NSD3: variants seen among roughly 807,000 people sequenced by gnomAD.
NSD3 encodes the protein histone-lysine N-methyltransferase NSD3.
A neutral mutation model predicts 160.8 loss-of-function variants in NSD3; 24 were observed. The ratio of observed to expected loss-of-function variants is 0.15; its 90% confidence interval spans 0.11 to 0.21. The LOEUF is 0.21. Ranked by LOEUF, NSD3 falls within the 10% of genes least tolerant of loss-of-function variation. NSD3 has a pLI of 1.00. For synonymous variants in NSD3, 520 were observed against 600.0 expected, an observed-to-expected ratio of 0.87 and a Z score of 1.95; for missense variants, 1,157 against 1,735.9, an observed-to-expected ratio of 0.67 and a Z score of 5.93.
At chr8:38,304,924 C>A (rs1329494092) in intron 13 of NSD3, among the ~76,000 whole-genome samples, 167 bp from the exon 14 acceptor site, 1 of 152,106 alleles carries the variant, frequency 6.6e-6, no homozygotes, top group Admixed American at 6.5e-5. Flanking sequence ...TATATGGCCC[C>A]TAAATGTAAG....
intron 2 of NSD3, among the ~76,000 whole-genome samples, chr8:38,345,970 A>C (rs759569804): frequency 2.0e-5 from 3 of 152,008 alleles, no homozygotes; most frequent in Non-Finnish European, 2.9e-5. Flanking sequence ...TAGTTAACTG[A>C]AGGTTTAGGT....
At chr8:38,348,934 T>C (rs545550100) in intron 1 of NSD3, among the ~76,000 whole-genome samples, 24 of 152,222 alleles carry the variant, frequency 1.6e-4, no homozygotes, top group East Asian at 5.8e-4. Flanking sequence ...GCTAGGATTA[T>C]AGGCGTCAGC....
chr8:38,296,355 A>G (rs993758881), intron 15 of NSD3, among the ~76,000 whole-genome samples: 1 of 152,254 alleles, frequency 6.6e-6, no homozygotes, highest in Non-Finnish European at 1.5e-5. Flanking sequence ...GTAAGAAAGA[A>G]AGCAAGTCAT....
intron 20 of NSD3, 115 bp downstream of exon 20, chr8:38,281,349 AATC>A (rs1324833292): frequency 4.1e-6 from 2 of 489,734 alleles, no homozygotes. Flanking sequence ...AGCTACTGCA[AATC>A]ATTATGCTCT....
chr8:38,338,664 A>G, intron 2 of NSD3, 57 bp from the exon 3 acceptor site: 1 of 1,333,678 alleles, frequency 7.5e-7, no homozygotes, highest in Non-Finnish European at 1.1e-6. Flanking sequence ...ACAAACAAAC[A>G]AAAAACAGTG....
intron 3 of NSD3, among the ~76,000 whole-genome samples, chr8:38,338,304 A>C: frequency 6.9e-6 from 1 of 145,288 alleles, no homozygotes; most frequent in Non-Finnish European, 1.5e-5. Flanking sequence ...CGTCTCAAAA[A>C]GAAAAAAAAA....
At chr8:38,342,384 A>G (rs1810396471) in intron 2 of NSD3, among the ~76,000 whole-genome samples, 1 of 152,214 alleles carries the variant, frequency 6.6e-6, no homozygotes, top group African/African-American at 2.4e-5. Flanking sequence ...AACATCAGAG[A>G]AAAAGATGAC....
intron 19 of NSD3, among the ~76,000 whole-genome samples, chr8:38,286,879 C>T (rs912934669): frequency 2.0e-5 from 3 of 152,212 alleles, no homozygotes; most frequent in East Asian, 3.8e-4. Context: ...CGGCAAACAG[C>T]GCCTCCTCAG....
At chr8:38,342,357 C>T (rs1008406915) in intron 2 of NSD3, among the ~76,000 whole-genome samples, 1 of 152,132 alleles carries the variant, frequency 6.6e-6, no homozygotes, top group Non-Finnish European at 1.5e-5. Context: ...AATTCCACTG[C>T]TTTGTCAGAA....
intron 15 of NSD3, among the ~76,000 whole-genome samples, chr8:38,296,425 C>CA (rs34703236): frequency 0.22 from 32,830 of 151,660 alleles, 3,804 homozygotes; most frequent in East Asian, 0.31. Flanking sequence ...AATTAGCAAG[C>CA]AAAAAAATAG....
At chr8:38,356,003 A>G (rs1810814932) in intron 1 of NSD3, among the ~76,000 whole-genome samples, 1 of 152,124 alleles carries the variant, frequency 6.6e-6, no homozygotes, top group South Asian at 2.1e-4. Flanking sequence ...ACTTCCCACA[A>G]TCCCTAAATA....
At chr8:38,307,101 C>T (rs144064663) in intron 12 of NSD3, among the ~76,000 whole-genome samples, 2,400 of 135,044 alleles carry the variant, frequency 0.018, 32 homozygotes, top group Middle Eastern at 0.028. Flanking sequence ...GGTGACAGAG[C>T]GAGATACCGT....
At chr8:38,283,693 G>A (rs1333977746) in intron 19 of NSD3, among the ~76,000 whole-genome samples, 1 of 152,104 alleles carries the variant, frequency 6.6e-6, no homozygotes, top group East Asian at 1.9e-4. Flanking sequence ...GAGAAGCACC[G>A]GTCTGCTTCA....
At position 38,317,995 on chromosome 8, in the gene NSD3, G is replaced by A; in HGVS notation, c.1855+900C>T. ...CCTCAATCGCTGCGGAGACGGAGCT[G>A]TCACTGAATCTGACAGAGCCCTGCA... On this transcript the variant is annotated intron_variant, in intron 9 of 23. Coordinates refer to ENST00000317025, the MANE Select transcript of NSD3 (RefSeq NM_023034.2). The surrounding 1 kb of genome is among the most constrained non-coding windows in gnomAD (Gnocchi z 5.3). The A allele has an allele frequency of 6.2e-7, 1 of 1,614,192 alleles. No individual in the cohort carries two copies. Among genetic ancestry groups the A allele is most frequent in the South Asian group, 1.1e-5 (1 of 91,088 alleles).
rs1430360591 is a variant in NSD3 at position 38,275,179 on chromosome 8, T to C, written c.*462A>G. On this transcript the variant is annotated 3_prime_UTR_variant, in exon 24 of 24. Transcript: ENST00000317025. Reference sequence around the variant, plus strand: ...TTCCTAGAGGGCTTTCTCAGATTCCTACTTAAAACACACACACACTTGATT... The same window carrying C: ...TTCCTAGAGGGCTTTCTCAGATTCCCACTTAAAACACACACACACTTGATT... 2 of 241,412 alleles carry C rather than the reference T, an allele frequency of 8.3e-6. No individual in the cohort carries two copies. The highest frequency in any genetic ancestry group is 1.6e-5 in the Non-Finnish European group (2 of 123,530). 15.0% of individuals were successfully genotyped at this position (241,412 alleles called of 1,614,324 possible).
chr8:38,278,234 G>A (rs1438746362), intron 22 of NSD3, 72 bp downstream of exon 22: 51 of 1,411,986 alleles, frequency 3.6e-5, no homozygotes, highest in Middle Eastern at 2.0e-4. Flanking sequence ...CACCGCGCCC[G>A]GCCAAACAGA....
intron 14 of NSD3, chr8:38,299,820 C>G (rs970760634): frequency 4.1e-5 from 15 of 362,534 alleles, no homozygotes; most frequent in African/African-American, 6.3e-5. Flanking sequence ...CTAAATTCTG[C>G]AGAAGAAAAC....
rs1808459790 is a variant in NSD3 at position 38,271,125 on chromosome 8, T to C, written c.*4516A>G. On this transcript the variant is annotated 3_prime_UTR_variant, in exon 24 of 24. Transcript: ENST00000317025. ...AAAATGCTGGTATCTCATGCAGGAG[T>C]CTCTTCCTCAAATGTGTTCAATCAA... 6.6e-6 allele frequency: 1 copy of C among 151,782 alleles called. No homozygotes were observed. The highest frequency in any genetic ancestry group is 1.5e-5 in the Non-Finnish European group (1 of 67,938). The allele number at this position is 151,782 out of a possible 1,614,324, so 9.4% of individuals were successfully genotyped here. A position where few individuals can be genotyped will look rare whatever the true frequency, so the allele number is the denominator to read the frequency against.
rs113553599 is a variant in NSD3, at chr8:38,309,662, C to G, written c.2243-4217G>C. On this transcript the variant is annotated intron_variant, in intron 12 of 23. Coordinates refer to ENST00000317025, the MANE Select transcript of NSD3 (RefSeq NM_023034.2). ...GACCAAAAAAAAGAAGTCAGTCCAT[C>G]GGTCCAGAGTCAAGGACCATGGGGG... Among the ~76,000 whole-genome samples, 744 of 152,070 alleles carry G rather than the reference C, an allele frequency of 4.9e-3. 11 individuals are homozygous for G. Among genetic ancestry groups the G allele is most frequent in the African/African-American group, 0.017 (699 of 41,494 alleles).
Sources: gnomAD v4.1 joint callset for allele counts (sites outside exome capture counted in the v4.1 genomes callset) on GRCh38, gnomAD v4.1.1 for gene constraint, Gnocchi (gnomAD v3.1) non-coding constraint, MANE v1.5 for transcripts, NCBI Gene and HGNC (gene_info 2026-07-23, HGNC 2026-07-21) for gene names.